Variants in APOOL observed in about 807,000 individuals in gnomAD.
APOOL encodes the protein apolipoprotein O like, also known as MICOS complex subunit MIC27.
APOOL carries 12 observed loss-of-function variants against 23.1 expected under a neutral mutation model. The observed-to-expected ratio is 0.52, with a 90% CI of 0.33 to 0.84. The LOEUF is 0.84. Among genes scored for constraint, APOOL ranks in the 40% least tolerant of loss-of-function variants. APOOL has a pLI of 0.02. For synonymous variants in APOOL, 77 were observed against 69.9 expected (o/e 1.10, Z -0.51); for missense variants, 212 against 199.6 (o/e 1.06, Z -0.37).
Position 85,038,800 on chromosome X carries a change from T to C in APOOL, c.16-7646T>C, listed in dbSNP as rs773729469. On this transcript the variant is annotated intron_variant, in intron 1 of 8. Transcript: ENST00000373173. ...ATTGTGTTTATTTGGATCTTCTTTT[T>C]TTCACTATTAGTCTAGCTAGTTGTC... is the stretch of plus-strand genomic sequence containing the variant. 5.4e-5 allele frequency among the ~76,000 whole-genome samples: 6 copies of C among 110,276 alleles called. No homozygotes were observed. The East Asian group carries it at 1.7e-3, about 31-fold the overall frequency.
At position 85,066,287 on chromosome X, in the gene APOOL, GAACT is replaced by G. The variant is rs775874561; in HGVS notation, c.395-837_395-834del. On this transcript the variant is annotated intron_variant, in intron 5 of 8. Coordinates refer to ENST00000373173, the MANE Select transcript of APOOL (RefSeq NM_198450.6). ...ATTATTTTGAACCAACAATCTGTTG[GAACT>G]AAGCTATGGCTTAAAGTGGTGGATT... Among the ~76,000 whole-genome samples, 783 of 111,552 alleles carry G rather than the reference GAACT, an allele frequency of 7.0e-3. 9 individuals carry two copies. The highest frequency in any genetic ancestry group is 0.024 in the African/African-American group (751 of 30,758).
intron 1 of APOOL, among the ~76,000 whole-genome samples, chrX:85,042,216 A>C (rs775703932): frequency 8.9e-6 from 1 of 112,396 alleles, no homozygotes; most frequent in South Asian, 3.7e-4. Flanking sequence ...AGCTAGACTA[A>C]CAAAACAAAA....
rs746496604 is a variant in APOOL at position 85,092,305 on chromosome X, T to G, written c.*4627T>G. 1.0e-6 allele frequency: 1 copy of G among 990,972 alleles called. No homozygotes were observed. The highest frequency in any genetic ancestry group is 1.3e-6 in the Non-Finnish European group (1 of 745,074). The allele number at this position is 990,972 out of a possible 1,213,427, so 81.7% of individuals were successfully genotyped here. ...AGAATGTGATGATCACTTGCTGTAT[T>G]GTACAACAAAGTCAAACTGCTGTTA... is the stretch of plus-strand genomic sequence containing the variant. On this transcript the variant is annotated 3_prime_UTR_variant, in exon 9 of 9. Coordinates refer to ENST00000373173, the MANE Select transcript of APOOL (RefSeq NM_198450.6).
At chrX:85,036,578 A>G (rs1241903436) in intron 1 of APOOL, among the ~76,000 whole-genome samples, 1 of 111,936 alleles carries the variant, frequency 8.9e-6, no homozygotes, top group African/African-American at 3.2e-5. Context: ...GATTTTGCCC[A>G]TTCAGTTAGA....
chrX:85,004,034 G>A, intron 1 of APOOL, 107 bp downstream of exon 1: 1 of 995,393 alleles, frequency 1.0e-6, no homozygotes, highest in Non-Finnish European at 1.4e-6. Context: ...AAGGGGCAGG[G>A]TGGAGGTGGG....
chrX:85,082,671 G>T (rs1049075488), intron 8 of APOOL, among the ~76,000 whole-genome samples: 1 of 111,980 alleles, frequency 8.9e-6, no homozygotes, highest in African/African-American at 3.2e-5. Context: ...CACACACATT[G>T]ATCTATGTAT....
chrX:85,056,770 C>T (rs758779897), intron 5 of APOOL, among the ~76,000 whole-genome samples: 114 of 111,698 alleles, frequency 1.0e-3, no homozygotes, highest in South Asian at 1.5e-3. Context: ...AAAATTATCA[C>T]ACAGTAAATT....
chrX:85,050,753 G>T (rs981582428), intron 2 of APOOL, among the ~76,000 whole-genome samples: 25 of 110,138 alleles, frequency 2.3e-4, no homozygotes, highest in Non-Finnish European at 3.8e-4. Flanking sequence ...ATAATAATAT[G>T]ATGATGATAA....
chrX:85,050,774 C>A (rs978133719), intron 2 of APOOL, among the ~76,000 whole-genome samples: 1 of 110,036 alleles, frequency 9.1e-6, no homozygotes, highest in African/African-American at 3.3e-5. Flanking sequence ...TGATGTACAA[C>A]CGTATACCTA....
At chrX:85,029,980 C>G (rs1004337845) in intron 1 of APOOL, among the ~76,000 whole-genome samples, 5 of 111,743 alleles carry the variant, frequency 4.5e-5, no homozygotes, top group African/African-American at 1.6e-4. Context: ...GTATGTCTAC[C>G]ACTTGATCCA....
intron 5 of APOOL, among the ~76,000 whole-genome samples, chrX:85,061,543 T>G (rs1569458516): frequency 8.9e-6 from 1 of 112,282 alleles, no homozygotes; most frequent in Non-Finnish European, 1.9e-5. Flanking sequence ...CTATTGATTA[T>G]TGCCTCAATT....
intron 8 of APOOL, among the ~76,000 whole-genome samples, chrX:85,074,998 A>T (rs1923790841): frequency 9.0e-6 from 1 of 110,582 alleles, no homozygotes; most frequent in South Asian, 3.8e-4. Flanking sequence ...GTGATCAAAA[A>T]GAAGGTGACA....
intron 6 of APOOL, among the ~76,000 whole-genome samples, chrX:85,073,468 T>A (rs1316899787): frequency 1.8e-5 from 2 of 111,424 alleles, no homozygotes; most frequent in Non-Finnish European, 3.8e-5. Context: ...TTTACCTTTC[T>A]ACCAAAAAAG....
At chrX:85,058,161 A>G (rs1161410909) in intron 5 of APOOL, among the ~76,000 whole-genome samples, 1 of 111,150 alleles carries the variant, frequency 9.0e-6, no homozygotes, top group African/African-American at 3.3e-5. Context: ...TTGTGCACCT[A>G]TCAACTCATC....
chrX:85,046,507 C>T lies in APOOL; in HGVS notation c.77C>T (p.Ala26Val). 1 of 1,209,062 alleles carries T rather than the reference C, an allele frequency of 8.3e-7. No homozygotes were observed. The highest frequency in any genetic ancestry group is 1.7e-5 in the African/African-American group (1 of 57,628). The change falls in exon 2 of 9, where the codon GCC becomes GTC. Residue 26 changes from alanine (A) to valine (V), a missense_variant. Ala to Val is a moderately conservative substitution (Grantham distance 64). Transcript: ENST00000373173. ...TATGCATCTGTAAGTGTACATGCAG[C>T]CAAACAAGAGGAATCCAAAAAGCAG... ...LIYASVSVHA[A>V]KQEESKKQLV...
chrX:85,018,966 C>T (rs1296402201), intron 1 of APOOL, among the ~76,000 whole-genome samples: 3 of 111,231 alleles, frequency 2.7e-5, no homozygotes, highest in South Asian at 3.8e-4. Context: ...GGCAGCCTTA[C>T]GTTTATATGT....
At chrX:85,018,399 C>G (rs1216128227) in intron 1 of APOOL, among the ~76,000 whole-genome samples, 1 of 110,956 alleles carries the variant, frequency 9.0e-6, no homozygotes, top group East Asian at 2.9e-4. Context: ...CAAAAACTCA[C>G]TCACTATTAT....
intron 1 of APOOL, among the ~76,000 whole-genome samples, chrX:85,010,656 G>A (rs1480132560): frequency 1.8e-5 from 2 of 111,664 alleles, no homozygotes; most frequent in African/African-American, 6.5e-5. Context: ...CTTCATCTGG[G>A]TTGCTGCAAA....
chrX:85,060,358 C>T lies in APOOL; in HGVS notation c.394+4433C>T, dbSNP rs1470292022. ...TTGGCTTAGGATTGACTTGGCGATG[C>T]GGGCTCTTTTTTGGTTCCATATGAA... is the stretch of plus-strand genomic sequence containing the variant. On this transcript the variant is annotated intron_variant, in intron 5 of 8. Coordinates refer to ENST00000373173, the MANE Select transcript of APOOL (RefSeq NM_198450.6). 8.5e-5 allele frequency among the ~76,000 whole-genome samples: 9 copies of T among 106,274 alleles called. No individual in the cohort carries two copies. In the East Asian group the frequency reaches 1.8e-3, roughly 21 times the overall value. The allele number at this position is 106,274 out of a possible 115,157, so 92.3% of individuals were successfully genotyped here.
Sources: allele counts gnomAD v4.1 joint callset (sites outside exome capture counted in the v4.1 genomes callset), GRCh38; gene constraint gnomAD v4.1.1; transcripts MANE v1.5; gene names NCBI Gene and HGNC (gene_info 2026-07-23, HGNC 2026-07-21).